Variants in LRRC4C observed in about 807,000 individuals in gnomAD.
LRRC4C encodes the protein leucine-rich repeat-containing protein 4C.
LRRC4C carries 5 observed loss-of-function variants against 33.6 expected under a neutral mutation model. The observed-to-expected ratio is 0.15, with a 90% CI of 0.08 to 0.31. LRRC4C has a LOEUF of 0.31. LRRC4C is among the 10% of genes least tolerant of loss of function. LRRC4C has a pLI of 1.00. For synonymous variants in LRRC4C, 329 were observed against 302.0 expected, an observed-to-expected ratio of 1.09 and a Z score of -0.93; for missense variants, 560 against 796.7, an observed-to-expected ratio of 0.70 and a Z score of 3.58.
chr11:40,980,019 A>G (rs900090931), intron 1 of LRRC4C, among the ~76,000 whole-genome samples: 7 of 152,208 alleles, frequency 4.6e-5, no homozygotes, highest in Non-Finnish European at 1.0e-4. Flanking sequence ...CGATCACAAA[A>G]GGAAGTCCCA....
At chr11:40,788,867 C>G (rs916063224) in intron 2 of LRRC4C, among the ~76,000 whole-genome samples, 5 of 151,896 alleles carry the variant, frequency 3.3e-5, no homozygotes, top group Non-Finnish European at 5.9e-5. Context: ...CCGAGGCAGG[C>G]GGATCATGAT....
intron 3 of LRRC4C, among the ~76,000 whole-genome samples, chr11:40,503,525 T>C (rs901017388): frequency 4.6e-5 from 7 of 152,184 alleles, no homozygotes; most frequent in Admixed American, 1.3e-4. Flanking sequence ...CTATGCACAT[T>C]CTTAGATATT....
At chr11:40,799,407 T>C (rs541579084) in intron 2 of LRRC4C, among the ~76,000 whole-genome samples, 2 of 152,308 alleles carry the variant, frequency 1.3e-5, no homozygotes, top group African/African-American at 4.8e-5. Context: ...GTTTTATGTA[T>C]AAAAAAACAA....
intron 2 of LRRC4C, among the ~76,000 whole-genome samples, chr11:40,925,438 C>A (rs12421406): frequency 0.057 from 8,698 of 152,186 alleles, 372 homozygotes; most frequent in Admixed American, 0.15. Context: ...GCTACCTCAG[C>A]CTGAATCTTG....
At position 40,512,639 on chromosome 11, in the gene LRRC4C, T is replaced by A. The variant is rs1490523452; in HGVS notation, c.-270+135503A>T. On this transcript the variant is annotated intron_variant, in intron 3 of 6. Transcript: ENST00000528697. The stretch of plus-strand genomic sequence containing the variant: ...GTAACACCAGAGCATCTCCTCTCCA[T>A]ATGGATCATTGACAATATCTCAGGG... Among the ~76,000 whole-genome samples the A allele has an allele frequency of 3.9e-5, 6 of 152,238 alleles. No individual in the cohort carries two copies. In the East Asian group the frequency reaches 1.2e-3, roughly 30 times the overall value.
At chr11:41,409,321 A>C (rs1366568463) in intron 1 of LRRC4C, among the ~76,000 whole-genome samples, 1 of 152,222 alleles carries the variant, frequency 6.6e-6, no homozygotes, top group African/African-American at 2.4e-5. Flanking sequence ...CCAAGGAATA[A>C]ACTATTCAAC....
intron 3 of LRRC4C, among the ~76,000 whole-genome samples, chr11:40,537,946 T>C (rs1005182943): frequency 1.3e-5 from 2 of 152,112 alleles, no homozygotes; most frequent in African/African-American, 2.4e-5. Flanking sequence ...GAAAGCCGAA[T>C]CTCAAGCGTC....
At chr11:41,090,957 A>T (rs761873628) in intron 1 of LRRC4C, among the ~76,000 whole-genome samples, 6 of 151,280 alleles carry the variant, frequency 4.0e-5, no homozygotes, top group Non-Finnish European at 8.9e-5. Context: ...AGTTCTTTAT[A>T]GCATTGTGAA....
intron 3 of LRRC4C, among the ~76,000 whole-genome samples, chr11:40,568,127 T>C (rs1171299449): frequency 2.0e-5 from 3 of 152,198 alleles, no homozygotes; most frequent in African/African-American, 7.2e-5. Context: ...AATGTCACTT[T>C]TGAGATTAGG....
chr11:40,385,459 T>A (rs960876600), intron 3 of LRRC4C, among the ~76,000 whole-genome samples: 2 of 152,174 alleles, frequency 1.3e-5, no homozygotes, highest in Admixed American at 6.5e-5. Flanking sequence ...AAATACCACA[T>A]GTTCTCACTT....
chr11:40,524,912 T>C (rs1955975853), intron 3 of LRRC4C, among the ~76,000 whole-genome samples: 1 of 152,186 alleles, frequency 6.6e-6, no homozygotes, highest in South Asian at 2.1e-4. Context: ...GATTAGTTAC[T>C]ACTATGGTAG....
chr11:40,461,630 A>T (rs1423969862), intron 3 of LRRC4C, among the ~76,000 whole-genome samples: 1 of 150,546 alleles, frequency 6.6e-6, no homozygotes, highest in African/African-American at 2.4e-5. Context: ...CAGTGCCTAG[A>T]ACATATAATA....
chr11:41,368,231 C>T (rs1952615229), intron 1 of LRRC4C, among the ~76,000 whole-genome samples: 1 of 152,106 alleles, frequency 6.6e-6, no homozygotes, highest in East Asian at 1.9e-4. Context: ...CGATAAATTG[C>T]CAACCAAGCA....
At chr11:41,326,890 G>A (rs1951137363) in intron 1 of LRRC4C, among the ~76,000 whole-genome samples, 1 of 152,168 alleles carries the variant, frequency 6.6e-6, no homozygotes, top group African/African-American at 2.4e-5. Flanking sequence ...GAAGAAGCCT[G>A]GTAGGCAATA....
intron 1 of LRRC4C, among the ~76,000 whole-genome samples, chr11:41,359,351 GATA>G (rs1454391080): frequency 5.3e-5 from 8 of 152,076 alleles, no homozygotes; most frequent in Non-Finnish European, 1.2e-4. Flanking sequence ...CGCTTTAGGT[GATA>G]ATGATGTTTC....
chr11:41,109,941 T>C (rs1441217315), intron 1 of LRRC4C, among the ~76,000 whole-genome samples: 1 of 151,990 alleles, frequency 6.6e-6, no homozygotes, highest in Non-Finnish European at 1.5e-5. Flanking sequence ...GAGACAATGG[T>C]CTTTATAATT....
chr11:41,134,721 T>C (rs1311782497), intron 1 of LRRC4C, among the ~76,000 whole-genome samples: 1 of 152,152 alleles, frequency 6.6e-6, no homozygotes, highest in Non-Finnish European at 1.5e-5. Flanking sequence ...TCTAATCCAC[T>C]GTGACCTCAT....
intron 3 of LRRC4C, among the ~76,000 whole-genome samples, chr11:40,326,063 T>TAA (rs746566979): frequency 1.4e-3 from 149 of 106,684 alleles, no homozygotes; most frequent in Non-Finnish European, 1.6e-3. Flanking sequence ...TTGGAAAACC[T>TAA]AAAAAAAAAA....
At chr11:40,785,471 G>A (rs1404010649) in intron 2 of LRRC4C, among the ~76,000 whole-genome samples, 2 of 152,136 alleles carry the variant, frequency 1.3e-5, no homozygotes, top group East Asian at 3.9e-4. Flanking sequence ...GGCATCTCTT[G>A]GTTATAGTTT....
Sources: gnomAD v4.1 joint callset for allele counts (sites outside exome capture counted in the v4.1 genomes callset) on GRCh38, gnomAD v4.1.1 for gene constraint, MANE v1.5 for transcripts, NCBI Gene and HGNC (gene_info 2026-07-23, HGNC 2026-07-21) for gene names.